Variants in NHSL3 observed in about 807,000 individuals in gnomAD.
NHSL3 encodes NHS like 3.
chr1:32,764,531 G>A, the NHSL3 span, among the ~76,000 whole-genome samples: 1 of 151,308 alleles, frequency 6.6e-6, no homozygotes, highest in East Asian at 2.0e-4. Flanking sequence ...GCAGTGGTGG[G>A]ATCTTGGCTC....
At chr1:32,741,952 G>C in the NHSL3 span, 2 of 989,470 alleles carry the variant, frequency 2.0e-6, no homozygotes, top group Non-Finnish European at 2.5e-6. The surrounding 1 kb of genome is among the most constrained non-coding windows in gnomAD (Gnocchi z 4.3). Context: ...GCCCCCGCCT[G>C]CCATGGCGGC....
the NHSL3 span, among the ~76,000 whole-genome samples, chr1:32,762,432 C>CT: frequency 2.4e-3 from 340 of 142,746 alleles, 3 homozygotes; most frequent in African/African-American, 7.7e-3. Context: ...TCAGGGGAAT[C>CT]TTTTTTTTTT....
At chr1:32,753,359 C>G in the NHSL3 span, among the ~76,000 whole-genome samples, 1 of 151,760 alleles carries the variant, frequency 6.6e-6, no homozygotes, top group Non-Finnish European at 1.5e-5. Context: ...GTGGTGCGCA[C>G]CTGTAGTCCC....
At chr1:32,773,266 T>G in the NHSL3 span, 1 of 263,160 alleles carries the variant, frequency 3.8e-6, no homozygotes. Flanking sequence ...GCACATACTA[T>G]AGTCCAGAAT....
chr1:32,764,003 C>A, the NHSL3 span, among the ~76,000 whole-genome samples: 2 of 152,150 alleles, frequency 1.3e-5, no homozygotes, highest in South Asian at 2.1e-4. Context: ...GGGACCCCAG[C>A]TGTGAGTCAC....
the NHSL3 span, chr1:32,772,155 G>A: frequency 2.5e-5 from 41 of 1,613,284 alleles, no homozygotes; most frequent in Non-Finnish European, 2.7e-5. Context: ...CTGAGACCCA[G>A]GCTGACCTCC....
the NHSL3 span, among the ~76,000 whole-genome samples, chr1:32,757,222 A>C: frequency 6.6e-6 from 1 of 152,186 alleles, no homozygotes; most frequent in South Asian, 2.1e-4. Context: ...GAAGGAGAGA[A>C]TACAAGGCAG....
chr1:32,742,090 C>A, the NHSL3 span: 2 of 1,254,298 alleles, frequency 1.6e-6, no homozygotes, highest in Non-Finnish European at 1.0e-6. Flanking sequence ...GGGCAAGCGG[C>A]GCAAGAAGAA....
At chr1:32,765,553 T>G in the NHSL3 span, 1,206 of 1,360,592 alleles carry the variant, frequency 8.9e-4, 24 homozygotes, top group East Asian at 0.029. Flanking sequence ...GCACCCCATT[T>G]AAGGGGTGGG....
chr1:32,751,183 A>G, the NHSL3 span, among the ~76,000 whole-genome samples: 1 of 152,104 alleles, frequency 6.6e-6, no homozygotes, highest in African/African-American at 2.4e-5. Context: ...TCTGGTCCAT[A>G]TGCCTTCCAT....
At chr1:32,743,673 T>C in the NHSL3 span, among the ~76,000 whole-genome samples, 3 of 152,196 alleles carry the variant, frequency 2.0e-5, no homozygotes, top group Non-Finnish European at 2.9e-5. Flanking sequence ...AATGGACCTT[T>C]TTCCTCTGGG....
At chr1:32,771,668 C>T in the NHSL3 span, 347 of 1,610,688 alleles carry the variant, frequency 2.2e-4, 3 homozygotes, top group South Asian at 2.9e-3. Flanking sequence ...ATTCAGCCCC[C>T]GGGTAGCCCA....
At chr1:32,771,886 C>A in the NHSL3 span, 2 of 1,591,018 alleles carry the variant, frequency 1.3e-6, no homozygotes, top group Non-Finnish European at 1.7e-6. Context: ...CACCCCAGCA[C>A]TGGGGCCATC....
chr1:32,769,488 A>G, the NHSL3 span, among the ~76,000 whole-genome samples: 2 of 152,246 alleles, frequency 1.3e-5, no homozygotes, highest in Middle Eastern at 3.2e-3. Flanking sequence ...GGAAATTACC[A>G]TCATTGACTT....
chr1:32,771,126 G>T, the NHSL3 span: 1 of 1,613,212 alleles, frequency 6.2e-7, no homozygotes, highest in East Asian at 2.2e-5. Flanking sequence ...CTGGGCCACA[G>T]ATATTGACCC....
the NHSL3 span, among the ~76,000 whole-genome samples, chr1:32,754,527 G>A: frequency 1.3e-5 from 2 of 151,948 alleles, no homozygotes; most frequent in Non-Finnish European, 2.9e-5. Flanking sequence ...CTATGCATGC[G>A]GTTTACACAG....
chr1:32,770,420 A>G, the NHSL3 span: 1 of 1,607,776 alleles, frequency 6.2e-7, no homozygotes, highest in Non-Finnish European at 8.5e-7. The surrounding 1 kb of genome is among the most constrained non-coding windows in gnomAD (Gnocchi z 8.3). Flanking sequence ...TCCTCCAGTG[A>G]CACCTGGAGC....
chr1:32,760,248 C>T, the NHSL3 span, among the ~76,000 whole-genome samples: 1 of 152,168 alleles, frequency 6.6e-6, no homozygotes, highest in South Asian at 2.1e-4. Flanking sequence ...CAGCTGTGCC[C>T]TCCCCCTTCA....
At chr1:32,752,960 T>TACACACACACAC in the NHSL3 span, among the ~76,000 whole-genome samples, 4 of 18,544 alleles carry the variant, frequency 2.2e-4, no homozygotes, top group African/African-American at 5.1e-4. Flanking sequence ...CATATATATA[T>TACACACACACAC]ATATATATTT....
Sources: allele counts gnomAD v4.1 joint callset (sites outside exome capture counted in the v4.1 genomes callset), GRCh38; gene constraint gnomAD v4.1.1; non-coding constraint Gnocchi (gnomAD v3.1); transcripts MANE v1.5; gene names NCBI Gene and HGNC (gene_info 2026-07-23, HGNC 2026-07-21).